The following DNAH5 variants were observed in gnomAD, a reference collection of about 807,000 sequenced individuals.
DNAH5 encodes dynein axonemal heavy chain 5, also known as axonemal beta dynein heavy chain 5.
A neutral mutation model predicts 518.2 loss-of-function variants in DNAH5; 372 were observed. The ratio of observed to expected loss-of-function variants is 0.72; its 90% CI spans 0.66 to 0.78. The LOEUF (loss-of-function observed/expected upper bound fraction) is 0.78. Ranked by LOEUF, DNAH5 falls within the 30% of genes least tolerant of loss-of-function variation. DNAH5 has a pLI of 0.00. For missense variants in DNAH5, 5,523 were observed against 5,687.0 expected (o/e 0.97, Z 0.93); for synonymous variants, 2,039 against 2,025.9 (o/e 1.01, Z -0.17).
chr5:13,786,139 TG>T (rs1270108642), intron 52 of DNAH5, 39 bp downstream of exon 52: 1 of 1,606,716 alleles, frequency 6.2e-7, no homozygotes, highest in Non-Finnish European at 8.5e-7. Flanking sequence ...GCCAAATGTC[TG>T]TCACCTCCAC....
chr5:13,927,924 A>C (rs968098114), intron 3 of DNAH5, among the ~76,000 whole-genome samples, 170 bp downstream of exon 3: 3 of 152,196 alleles, frequency 2.0e-5, no homozygotes, highest in Non-Finnish European at 4.4e-5. Context: ...AACTTCTTCC[A>C]CAGGGCCACA....
At chr5:13,997,922 C>A (rs893554434) in intron 1 of DNAH5, among the ~76,000 whole-genome samples, 1 of 151,270 alleles carries the variant, frequency 6.6e-6, no homozygotes, top group Non-Finnish European at 1.5e-5. Context: ...CGGCTCACTG[C>A]AACCTCCACC....
At position 13,777,273 on chromosome 5, in the gene DNAH5, TA is replaced by T. The variant is rs2126813913; in HGVS notation, c.9033del (p.Phe3011LeufsTer17). On this transcript the variant is annotated frameshift_variant, in exon 54 of 79. Coordinates refer to ENST00000265104, the MANE Select transcript of DNAH5 (RefSeq NM_001369.3). LOFTEE classifies it high-confidence loss of function. ...TAGQQGKGIT[F>X]IFTDNEIKDE... ...TCTTTAATCTCATTGTCTGTGAAAATAAAAGTGATTCCTTTGCCTTGCTGAC... is the reference window on the plus strand; with the variant it reads ...TCTTTAATCTCATTGTCTGTGAAAATAAAGTGATTCCTTTGCCTTGCTGAC... 1 of 1,613,326 alleles carries T rather than the reference TA, an allele frequency of 6.2e-7. No homozygotes were observed. Among genetic ancestry groups the T allele is most frequent in the Non-Finnish European group, 8.5e-7 (1 of 1,179,564 alleles).
intron 21 of DNAH5, among the ~76,000 whole-genome samples, chr5:13,882,376 G>A: frequency 6.6e-6 from 1 of 150,888 alleles, no homozygotes; most frequent in Non-Finnish European, 1.5e-5. Context: ...AAAAACTACA[G>A]GCCAATATCA....
At chr5:13,724,877 G>T (rs1236868043) in intron 70 of DNAH5, among the ~76,000 whole-genome samples, 1 of 152,222 alleles carries the variant, frequency 6.6e-6, no homozygotes, top group Non-Finnish European at 1.5e-5. Flanking sequence ...GCAGATGCCA[G>T]CCCCATGCTT....
intron 9 of DNAH5, among the ~76,000 whole-genome samples, chr5:13,915,724 C>G (rs1030394876): frequency 6.6e-6 from 1 of 152,102 alleles, no homozygotes; most frequent in Admixed American, 6.6e-5. Flanking sequence ...TTTAATATAA[C>G]ACTTAAGATT....
intron 30 of DNAH5, among the ~76,000 whole-genome samples, chr5:13,852,142 G>T (rs900206860): frequency 1.3e-5 from 2 of 152,088 alleles, no homozygotes; most frequent in Admixed American, 1.3e-4. Context: ...GGCCGTTTGG[G>T]TAGACACTGA....
chr5:13,895,065 ACC>A (rs1773733623), intron 15 of DNAH5, among the ~76,000 whole-genome samples: 4 of 346 alleles, frequency 0.012, 2 homozygotes, highest in Non-Finnish European at 0.037. Context: ...GGAGATCGAG[ACC>A]ATCCCGGCTA....
intron 55 of DNAH5, among the ~76,000 whole-genome samples, chr5:13,774,972 T>C (rs1007604850): frequency 6.6e-6 from 1 of 152,178 alleles, no homozygotes; most frequent in Non-Finnish European, 1.5e-5. Flanking sequence ...TAACTGTATT[T>C]CATAATAAAC....
Position 13,923,414 on chromosome 5 carries a change from T to C in DNAH5, c.304A>G (p.Asn102Asp). The C allele has an allele frequency of 1.2e-6, 2 of 1,614,144 alleles. No homozygotes were observed. The highest frequency in any genetic ancestry group is 1.1e-5 in the South Asian group (1 of 91,088). ...TTTTTAATCTTTCCAGAAACAAGAT[T>C]TACCCCTCCTAGAGAGCCAAGTTGT... ...TGQLGSLGGV[N>D]LVSGKIKKPK... The change falls in exon 4 of 79, where the codon AAT (asparagine) becomes GAT (aspartate). Residue 102 changes from asparagine to aspartate, a missense_variant. Physicochemically the swap from Asn to Asp is conservative, Grantham distance 23. Transcript: ENST00000265104.
intron 30 of DNAH5, 92 bp downstream of exon 30, chr5:13,859,360 G>T: frequency 1.5e-6 from 2 of 1,354,710 alleles, no homozygotes; most frequent in Non-Finnish European, 1.1e-6. Flanking sequence ...GGGTTCAATA[G>T]AAGTGGAATA....
chr5:13,907,644 C>T (rs186769604), intron 12 of DNAH5, among the ~76,000 whole-genome samples: 164 of 152,226 alleles, frequency 1.1e-3, no homozygotes, highest in Non-Finnish European at 1.7e-3. Flanking sequence ...CGTCACACAT[C>T]TTATACTATT....
intron 11 of DNAH5, 68 bp downstream of exon 11, chr5:13,913,675 T>C: frequency 6.4e-7 from 1 of 1,563,306 alleles, no homozygotes; most frequent in Non-Finnish European, 8.8e-7. Flanking sequence ...CTAAACACTG[T>C]TATTTGCATA....
chr5:13,885,984 T>C lies in DNAH5; in HGVS notation c.2723A>G (p.Asn908Ser), dbSNP rs146576780. 36 of 1,612,954 alleles carry C rather than the reference T, an allele frequency of 2.2e-5. No individual in the cohort carries two copies. The highest frequency in any genetic ancestry group is 3.1e-5 in the Non-Finnish European group (36 of 1,179,822). Residue 908 changes from asparagine (N) to serine (S), a missense_variant, in exon 18 of 79, where the codon AAT (asparagine) becomes AGT (serine). Asn to Ser is a conservative substitution (Grantham distance 46, BLOSUM62 1). Coordinates refer to ENST00000265104, the MANE Select transcript of DNAH5 (RefSeq NM_001369.3). ...SEKISNENSV[N>S]YKNESSAKRE... is the part of the protein sequence containing the mutation. ...CTTACCTGAACTTTCATTTTTGTAA[T>C]TAACACTATTCTCATTGGATATTTT...
At chr5:13,804,212 C>T (rs747029151) in intron 47 of DNAH5, among the ~76,000 whole-genome samples, 19 of 152,102 alleles carry the variant, frequency 1.2e-4, no homozygotes, top group Non-Finnish European at 2.2e-4. Flanking sequence ...TTGATAGTGG[C>T]AAAGGATGCT....
intron 1 of DNAH5, among the ~76,000 whole-genome samples, chr5:13,982,082 C>T (rs1036885908): frequency 1.3e-5 from 2 of 152,240 alleles, no homozygotes; most frequent in African/African-American, 2.4e-5. Flanking sequence ...ATACTTCCCT[C>T]GTTATGCTTC....
At chr5:13,979,224 C>T (rs1352264581) in intron 1 of DNAH5, among the ~76,000 whole-genome samples, 1 of 152,170 alleles carries the variant, frequency 6.6e-6, no homozygotes, top group Non-Finnish European at 1.5e-5. Context: ...GCAAGTCCCT[C>T]CTCAAACATC....
At chr5:13,803,519 T>A (rs978537759) in intron 47 of DNAH5, among the ~76,000 whole-genome samples, 1 of 152,204 alleles carries the variant, frequency 6.6e-6, no homozygotes, top group Non-Finnish European at 1.5e-5. Context: ...TGGACCCTGG[T>A]TTCCAGCTGT....
At position 13,830,204 on chromosome 5, in the gene DNAH5, T is replaced by G; in HGVS notation, c.6071A>C (p.Gln2024Pro). 6.2e-7 allele frequency: 1 copy of G among 1,613,886 alleles called. No homozygotes were observed. The highest frequency in any genetic ancestry group is 2.2e-5 in the East Asian group (1 of 44,858). ...GLGRIFKGLA[Q>P]SGSWGCFDEF... The stretch of plus-strand genomic sequence containing the variant: ...ATCAAAACAACCCCAGGATCCAGAC[T>G]GTGCCAGTCCTTCGAAAGGAAATTA... The change falls in exon 37 of 79, where the codon CAG (glutamine) becomes CCG (proline). Residue 2024 changes from glutamine to proline, a missense_variant. Gln to Pro is a moderately conservative substitution (Grantham distance 76). Around this residue, in one of 3 missense-constraint regions of DNAH5, gnomAD observed 5,121 missense variants for 5,223.3 expected, o/e 0.98. Transcript: ENST00000265104.
Sources: allele counts gnomAD v4.1 joint callset (sites outside exome capture counted in the v4.1 genomes callset), GRCh38; gene constraint gnomAD v4.1.1; regional missense constraint gnomAD v4.1.1; transcripts MANE v1.5; gene names NCBI Gene and HGNC (gene_info 2026-07-23, HGNC 2026-07-21).